The following PTPRT variants were observed in gnomAD, a reference collection of about 807,000 sequenced individuals.
The protein encoded by PTPRT is protein tyrosine phosphatase receptor type T.
Under a neutral mutation model 176.8 loss-of-function variants are expected in PTPRT, and 56 were observed. The ratio of observed to expected loss-of-function variants is 0.32; its 90% CI spans 0.26 to 0.40. The LOEUF is 0.40. PTPRT is among the 10% of genes least tolerant of loss of function. The pLI is 1.00. For missense variants in PTPRT, 1,540 were observed against 1,908.2 expected (o/e 0.81, Z 3.60); for synonymous variants, 783 against 739.0 (o/e 1.06, Z -0.96).
intron 12 of PTPRT, among the ~76,000 whole-genome samples, chr20:42,299,132 G>T (rs898982940): frequency 1.3e-5 from 2 of 152,180 alleles, no homozygotes; most frequent in African/African-American, 4.8e-5. Context: ...ACAGGGGATG[G>T]TAGAGGTGAT....
At chr20:42,818,438 C>T (rs2077830012) in intron 2 of PTPRT, among the ~76,000 whole-genome samples, 1 of 151,956 alleles carries the variant, frequency 6.6e-6, no homozygotes, top group Non-Finnish European at 1.5e-5. Flanking sequence ...GAGAAAGAAT[C>T]AACAAAAAAA....
intron 9 of PTPRT, among the ~76,000 whole-genome samples, chr20:42,413,937 G>A (rs572367696): frequency 8.0e-4 from 122 of 152,082 alleles, no homozygotes; most frequent in Non-Finnish European, 1.6e-3. Context: ...CGCAACCTCC[G>A]CCTCCCAGGT....
intron 1 of PTPRT, among the ~76,000 whole-genome samples, chr20:43,074,781 C>T (rs2011232207): frequency 6.6e-6 from 1 of 152,162 alleles, no homozygotes; most frequent in Admixed American, 6.5e-5. Flanking sequence ...AATCGAGTAG[C>T]TAGATGTTTA....
chr20:43,025,476 G>A (rs1469170027), intron 1 of PTPRT, among the ~76,000 whole-genome samples: 1 of 152,194 alleles, frequency 6.6e-6, no homozygotes, highest in Non-Finnish European at 1.5e-5. Flanking sequence ...GACCCTGAGG[G>A]TTGGAGTTGG....
chr20:42,609,566 C>T (rs1365643228), intron 7 of PTPRT, among the ~76,000 whole-genome samples: 1 of 152,212 alleles, frequency 6.6e-6, no homozygotes, highest in African/African-American at 2.4e-5. Flanking sequence ...CCAAATCCAA[C>T]ACTGACTCTT....
At chr20:42,499,276 T>G (rs974329465) in intron 7 of PTPRT, among the ~76,000 whole-genome samples, 1 of 152,000 alleles carries the variant, frequency 6.6e-6, no homozygotes, top group Non-Finnish European at 1.5e-5. Context: ...TCTGTATATG[T>G]GTAAGTTTTG....
At chr20:42,819,897 C>A (rs1350282894) in intron 2 of PTPRT, among the ~76,000 whole-genome samples, 1 of 152,178 alleles carries the variant, frequency 6.6e-6, no homozygotes, top group Non-Finnish European at 1.5e-5. Context: ...GCACCCAATA[C>A]AGGAGCACCC....
rs901133160 is a variant in PTPRT, at chr20:42,472,442, T to C, written c.1274A>G (p.Gln425Arg). 6.2e-7 allele frequency: 1 copy of C among 1,614,132 alleles called. No homozygotes were observed. The highest frequency in any genetic ancestry group is 8.5e-7 in the Non-Finnish European group (1 of 1,180,048). ...TRCHSYNLTV[Q>R]YQYVFNQQQY... Reference sequence around the variant, plus strand: ...CTGCTGGTTGAACACATACTGGTACTGCACGGTGAGGTTGTAGCTATGGCA... The same window carrying C: ...CTGCTGGTTGAACACATACTGGTACCGCACGGTGAGGTTGTAGCTATGGCA... Residue 425 changes from glutamine (Q) to arginine (R), a missense_variant, in exon 8 of 31, where the codon CAG becomes CGG. This residue lies in a region of PTPRT where 79 missense variants were observed against 80.0 expected (regional missense o/e 0.99). Transcript: ENST00000373187.
intron 12 of PTPRT, among the ~76,000 whole-genome samples, chr20:42,298,829 G>A (rs13038066): frequency 2.6e-5 from 4 of 151,846 alleles, no homozygotes; most frequent in Admixed American, 6.6e-5. Flanking sequence ...GCTGAGCCAG[G>A]AGAATGGCTG....
intron 1 of PTPRT, among the ~76,000 whole-genome samples, chr20:43,161,178 G>A (rs1479082963): frequency 6.6e-6 from 1 of 152,236 alleles, no homozygotes; most frequent in African/African-American, 2.4e-5. Flanking sequence ...CTGTGTCGAT[G>A]TATTGCCTGT....
At chr20:42,338,881 A>AT (rs2058075700) in intron 11 of PTPRT, among the ~76,000 whole-genome samples, 3 of 152,182 alleles carry the variant, frequency 2.0e-5, no homozygotes, top group Admixed American at 6.5e-5. Context: ...AAAAACCTTC[A>AT]TTTTTTCTCT....
At chr20:42,446,577 T>C (rs1238053942) in intron 9 of PTPRT, among the ~76,000 whole-genome samples, 2 of 146,112 alleles carry the variant, frequency 1.4e-5, no homozygotes, top group Non-Finnish European at 3.0e-5. Flanking sequence ...TTATTTCATG[T>C]AAATGTGTGT....
intron 12 of PTPRT, among the ~76,000 whole-genome samples, chr20:42,289,127 A>G (rs1460803057): frequency 6.6e-6 from 1 of 152,136 alleles, no homozygotes; most frequent in Non-Finnish European, 1.5e-5. Context: ...AATTAATTCA[A>G]AATGGATTAA....
intron 19 of PTPRT, among the ~76,000 whole-genome samples, chr20:42,120,345 T>C (rs1458307901): frequency 1.3e-5 from 2 of 152,080 alleles, no homozygotes; most frequent in Non-Finnish European, 2.9e-5. Context: ...CATGATTATA[T>C]GAAGAACACT....
Position 43,145,272 on chromosome 20 carries a change from T to C in PTPRT, c.88+44374A>G, listed in dbSNP as rs116836835. On this transcript the variant is annotated intron_variant, in intron 1 of 30. Coordinates refer to ENST00000373187, the MANE Select transcript of PTPRT (RefSeq NM_007050.6). The stretch of plus-strand genomic sequence containing the variant: ...ATTTATTTACTTATTTCTTTATTTA[T>C]TGACTAGAATAAAGTAGATTATTGA... Among the ~76,000 whole-genome samples, 651 of 152,344 alleles carry C rather than the reference T, an allele frequency of 4.3e-3. 9 individuals are homozygous for C. Among genetic ancestry groups the C allele is most frequent in the African/African-American group, 0.015 (627 of 41,578 alleles).
rs764232644 is a variant in PTPRT at position 42,085,755 on chromosome 20, T to C, written c.3945A>G (p.Arg1315=). The C allele has an allele frequency of 4.3e-6, 7 of 1,613,912 alleles. No homozygotes were observed. The African/African-American group carries it at 8.0e-5, about 18-fold the overall frequency. Residue 1315 remains arginine (R), a synonymous_variant, in exon 28 of 31, where the codon AGA becomes AGG. Transcript: ENST00000373187. ...GGGCCATGTTACAGATGCGGAATAT[T>C]CTGTGGATGATGTCCTCGTCGATGT... ...SADIDEDIIH[R]IFRICNMARP...
chr20:42,313,270 A>C (rs6102767), intron 12 of PTPRT, among the ~76,000 whole-genome samples: 120,718 of 152,142 alleles, frequency 0.79, 49,022 homozygotes, highest in African/African-American at 0.95. Flanking sequence ...AAATGGACAA[A>C]CAGCAGCCCT....
intron 7 of PTPRT, among the ~76,000 whole-genome samples, chr20:42,676,741 G>A (rs890643702): frequency 6.6e-6 from 1 of 152,070 alleles, no homozygotes; most frequent in African/African-American, 2.4e-5. Context: ...TTTACTTGGT[G>A]TGAAAAAAAG....
At chr20:42,989,515 C>G (rs1488897703) in intron 1 of PTPRT, among the ~76,000 whole-genome samples, 15 of 152,156 alleles carry the variant, frequency 9.9e-5, no homozygotes, top group Admixed American at 9.8e-4. Flanking sequence ...GTGAGGCTGA[C>G]AAGGACTGCC....
Sources: allele counts gnomAD v4.1 joint callset (sites outside exome capture counted in the v4.1 genomes callset), GRCh38; gene constraint gnomAD v4.1.1; regional missense constraint gnomAD v4.1.1; transcripts MANE v1.5; gene names NCBI Gene and HGNC (gene_info 2026-07-23, HGNC 2026-07-21).